TAF1A: variants seen among roughly 807,000 people sequenced by gnomAD.
TAF1A encodes TATA-box binding protein associated factor, RNA polymerase I subunit A.
A neutral mutation model predicts 61.6 loss-of-function variants in TAF1A; 42 were observed. The observed-to-expected ratio is 0.68, with a 90% CI of 0.53 to 0.88. TAF1A has a LOEUF of 0.88. Among genes scored for constraint, TAF1A ranks in the 40% least tolerant of loss-of-function variants. The pLI is 0.00. For synonymous variants in TAF1A, 179 were observed against 177.7 expected (o/e 1.01, Z -0.06); for missense variants, 424 against 518.7 (o/e 0.82, Z 1.77).
At chr1:222,560,131 C>T (rs1659856230) in intron 10 of TAF1A, among the ~76,000 whole-genome samples, 1 of 152,076 alleles carries the variant, frequency 6.6e-6, no homozygotes, top group South Asian at 2.1e-4. Context: ...GAAAGAGAGC[C>T]ACCATACCCC....
At chr1:222,563,052 C>T in intron 9 of TAF1A, 121 bp downstream of exon 9, 1 of 966,344 alleles carries the variant, frequency 1.0e-6, no homozygotes, top group Non-Finnish European at 1.5e-6. Context: ...CAGAAAACAG[C>T]TGAAGACACA....
chr1:222,588,484 C>G lies in TAF1A; in HGVS notation c.80G>C (p.Gly27Ala). The change falls in exon 2 of 11, where the codon GGA becomes GCA. Residue 27 changes from glycine (G) to alanine (A), a missense_variant. Gly to Ala is a moderately conservative substitution (Grantham distance 60). Transcript: ENST00000352967. ...EVETSVLSGA[G>A]MHFPWLQTYV... ...TGTTTGAAGCCAAGGAAAATGCATT[C>G]CTGCACCACTGAGCACAGATGTTTC... The G allele has an allele frequency of 6.2e-7, 1 of 1,613,990 alleles. No homozygotes were observed. The highest frequency in any genetic ancestry group is 1.7e-5 in the Admixed American group (1 of 59,998).
At chr1:222,584,087 G>C (rs770313659) in intron 3 of TAF1A, 41 bp downstream of exon 3, 3 of 1,591,384 alleles carry the variant, frequency 1.9e-6, no homozygotes, top group Non-Finnish European at 2.6e-6. Flanking sequence ...TAAACTTCTG[G>C]GAATCTATCA....
intron 5 of TAF1A, among the ~76,000 whole-genome samples, chr1:222,571,038 T>A (rs1251096770): frequency 6.6e-6 from 1 of 152,162 alleles, no homozygotes. Context: ...ATACTAGGAA[T>A]GCAAGGTTGG....
At chr1:222,561,617 A>G in intron 9 of TAF1A, 99 bp from the exon 10 acceptor site, 1 of 1,224,232 alleles carries the variant, frequency 8.2e-7, no homozygotes, top group South Asian at 1.7e-5. Flanking sequence ...GATGACAAGG[A>G]AGATGCTTCC....
chr1:222,588,082 A>C (rs1416320129), intron 2 of TAF1A, among the ~76,000 whole-genome samples: 1 of 152,056 alleles, frequency 6.6e-6, no homozygotes. Flanking sequence ...GATCAATTCT[A>C]TTCGAAATAA....
intron 3 of TAF1A, among the ~76,000 whole-genome samples, chr1:222,583,649 C>T (rs980520908): frequency 7.2e-5 from 11 of 151,876 alleles, no homozygotes; most frequent in African/African-American, 2.7e-4. Flanking sequence ...ACCGTCCTGG[C>T]CAACCTGGTG....
chr1:222,576,606 G>T (rs757331336), intron 5 of TAF1A, among the ~76,000 whole-genome samples: 1 of 152,102 alleles, frequency 6.6e-6, no homozygotes, highest in Non-Finnish European at 1.5e-5. Context: ...AAGAGAAGGG[G>T]AATCAGTTTG....
At chr1:222,575,129 G>C (rs1660514924) in intron 5 of TAF1A, among the ~76,000 whole-genome samples, 1 of 152,086 alleles carries the variant, frequency 6.6e-6, no homozygotes, top group Non-Finnish European at 1.5e-5. Context: ...AGAGGCACTG[G>C]TATCTTTTTC....
downstream of TAF1A, among the ~76,000 whole-genome samples, chr1:222,557,456 A>C (rs1376393047): frequency 6.6e-6 from 1 of 151,994 alleles, no homozygotes; most frequent in Non-Finnish European, 1.5e-5. Flanking sequence ...GGGATGCGTG[A>C]GTTCTTTTTC....
At chr1:222,560,216 G>A (rs1210730949) in intron 10 of TAF1A, among the ~76,000 whole-genome samples, 2 of 152,168 alleles carry the variant, frequency 1.3e-5, no homozygotes, top group African/African-American at 4.8e-5. Context: ...ACCAGAGCAA[G>A]AAGAAAACCC....
At chr1:222,557,155 A>G (rs1326733641), downstream of TAF1A, among the ~76,000 whole-genome samples, 1 of 152,262 alleles carries the variant, frequency 6.6e-6, no homozygotes, top group Non-Finnish European at 1.5e-5. Flanking sequence ...GTGTCTCGCC[A>G]TCTAAATATT....
intron 2 of TAF1A, among the ~76,000 whole-genome samples, chr1:222,586,736 T>G (rs1661032869): frequency 6.6e-6 from 1 of 152,184 alleles, no homozygotes; most frequent in South Asian, 2.1e-4. Context: ...TGGCCCTGTC[T>G]TCAAAGTTTT....
chr1:222,560,997 A>T (rs1296768634), intron 10 of TAF1A, among the ~76,000 whole-genome samples: 1 of 152,228 alleles, frequency 6.6e-6, no homozygotes, highest in African/African-American at 2.4e-5. Flanking sequence ...ATATTAGTAT[A>T]ATATGAAGCT....
chr1:222,584,321 GT>G, intron 2 of TAF1A, 24 bp from the exon 3 acceptor site: 1 of 1,563,088 alleles, frequency 6.4e-7, no homozygotes, highest in Admixed American at 2.1e-5. Context: ...AAAGAAGAGA[GT>G]TTTTATCCAA....
chr1:222,582,921 G>A (rs927626871), intron 3 of TAF1A, among the ~76,000 whole-genome samples: 1 of 152,154 alleles, frequency 6.6e-6, no homozygotes, highest in Non-Finnish European at 1.5e-5. Flanking sequence ...AGTGGCTCAC[G>A]CTTGCAATAC....
At chr1:222,582,259 T>C (rs1352690262) in intron 3 of TAF1A, among the ~76,000 whole-genome samples, 1 of 152,248 alleles carries the variant, frequency 6.6e-6, no homozygotes, top group Non-Finnish European at 1.5e-5. Flanking sequence ...TAGGCAATTA[T>C]GACTTTGGCT....
At chr1:222,571,033 A>G (rs1429707053) in intron 5 of TAF1A, among the ~76,000 whole-genome samples, 1 of 152,194 alleles carries the variant, frequency 6.6e-6, no homozygotes, top group African/African-American at 2.4e-5. Context: ...GATCTATACT[A>G]GGAATGCAAG....
At chr1:222,562,062 A>G (rs1263403465) in intron 9 of TAF1A, among the ~76,000 whole-genome samples, 1 of 152,230 alleles carries the variant, frequency 6.6e-6, no homozygotes, top group African/African-American at 2.4e-5. Context: ...TTACTATCCA[A>G]ATGGAGATAC....
Sources: allele counts gnomAD v4.1 joint callset (sites outside exome capture counted in the v4.1 genomes callset), GRCh38; gene constraint gnomAD v4.1.1; transcripts MANE v1.5; gene names NCBI Gene and HGNC (gene_info 2026-07-23, HGNC 2026-07-21).